POLA1: variants seen among roughly 807,000 people sequenced by gnomAD.
POLA1 encodes DNA polymerase alpha catalytic subunit.
A neutral mutation model predicts 124.0 loss-of-function variants in POLA1; 15 were observed. The observed-to-expected ratio is 0.12, with a 90% confidence interval of 0.08 to 0.19. POLA1 has a LOEUF of 0.19. Ranked by LOEUF, POLA1 falls within the 10% of genes least tolerant of loss-of-function variation. POLA1 has a pLI of 1.00. For missense variants in POLA1, 886 were observed against 1,103.4 expected (o/e 0.80, Z 2.79); for synonymous variants, 408 against 389.4 (o/e 1.05, Z -0.56).
chrX:24,912,077 C>G (rs932842287), intron 35 of POLA1, among the ~76,000 whole-genome samples: 1 of 111,911 alleles, frequency 8.9e-6, no homozygotes, highest in Non-Finnish European at 1.9e-5. Flanking sequence ...ACAAGTGTGG[C>G]CATTTTATTT....
chrX:24,816,656 A>G (rs896605456), intron 30 of POLA1, among the ~76,000 whole-genome samples: 4 of 111,876 alleles, frequency 3.6e-5, no homozygotes, highest in African/African-American at 1.3e-4. Context: ...TTTTGCATCA[A>G]TTCTGCATAT....
intron 36 of POLA1, among the ~76,000 whole-genome samples, chrX:24,969,696 A>G (rs2048276737): frequency 9.1e-6 from 1 of 110,201 alleles, no homozygotes; most frequent in Non-Finnish European, 1.9e-5. Context: ...CAGGATTTGC[A>G]TATTTGTTAC....
At chrX:24,853,638 C>G (rs899393270) in intron 34 of POLA1, among the ~76,000 whole-genome samples, 18 of 112,268 alleles carry the variant, frequency 1.6e-4, no homozygotes, top group African/African-American at 5.8e-4. Context: ...CCAGTGAAAA[C>G]TAATTGAAAG....
intron 35 of POLA1, among the ~76,000 whole-genome samples, chrX:24,912,162 T>C (rs1483201707): frequency 8.9e-6 from 1 of 112,131 alleles, no homozygotes; most frequent in African/African-American, 3.2e-5. Context: ...AAAGTGGATA[T>C]CCATATGCAG....
intron 5 of POLA1, 108 bp from the exon 6 acceptor site, chrX:24,715,033 G>A: frequency 1.8e-6 from 1 of 548,031 alleles, no homozygotes; most frequent in South Asian, 2.9e-5. Context: ...GGAATGAAGA[G>A]GCAAGGACTA....
chrX:24,879,653 C>T (rs992705542), intron 34 of POLA1, among the ~76,000 whole-genome samples: 4 of 111,418 alleles, frequency 3.6e-5, no homozygotes, highest in Non-Finnish European at 7.6e-5. Flanking sequence ...TTAGTTGTGA[C>T]CTATTATAGC....
intron 4 of POLA1, among the ~76,000 whole-genome samples, chrX:24,705,903 C>A (rs1928771665): frequency 8.9e-6 from 1 of 112,163 alleles, no homozygotes; most frequent in African/African-American, 3.2e-5. Flanking sequence ...GTCTGTCCTT[C>A]CCATATCAGG....
intron 34 of POLA1, among the ~76,000 whole-genome samples, chrX:24,871,755 G>A (rs934547817): frequency 3.6e-5 from 4 of 111,194 alleles, no homozygotes; most frequent in African/African-American, 1.3e-4. Context: ...GGCAGAGCCA[G>A]GAGAAATGAT....
chrX:24,966,568 A>G (rs180871578), intron 36 of POLA1, among the ~76,000 whole-genome samples: 2 of 112,558 alleles, frequency 1.8e-5, no homozygotes, highest in Non-Finnish European at 3.8e-5. Context: ...TATGTTTTAA[A>G]AGGATAACAA....
chrX:24,955,759 G>A lies in POLA1; in HGVS notation c.4261+25210G>A, dbSNP rs181966348. ...AGTTGCCTTTGATTTTGGTTGTGAC[G>A]GTGGAGACATGTTTACTTTGATCTT... On this transcript the variant is annotated intron_variant, in intron 36 of 36. Coordinates refer to ENST00000379068, the MANE Select transcript of POLA1 (RefSeq NM_001330360.2). 7.8e-3 allele frequency among the ~76,000 whole-genome samples: 874 copies of A among 111,669 alleles called. 2 individuals are homozygous for A. The highest frequency in any genetic ancestry group is 0.028 in the Middle Eastern group (6 of 217).
intron 36 of POLA1, among the ~76,000 whole-genome samples, chrX:24,955,516 G>T (rs2048097036): frequency 9.0e-6 from 1 of 111,187 alleles, no homozygotes; most frequent in African/African-American, 3.3e-5. Flanking sequence ...CCCTCAAGAA[G>T]AAGACAGTTG....
At chrX:24,748,816 T>C (rs189356440) in intron 25 of POLA1, 54 bp from the exon 26 acceptor site, 1 of 1,163,320 alleles carries the variant, frequency 8.6e-7, no homozygotes, top group East Asian at 3.0e-5. Context: ...TCTAATGTAA[T>C]GCTTAACCAT....
intron 36 of POLA1, among the ~76,000 whole-genome samples, chrX:24,978,861 C>T (rs745464931): frequency 1.8e-5 from 2 of 112,234 alleles, no homozygotes; most frequent in African/African-American, 6.5e-5. Flanking sequence ...GATCGGTTGT[C>T]ATAACTTCAC....
At chrX:24,961,804 A>G (rs937200994) in intron 36 of POLA1, among the ~76,000 whole-genome samples, 4 of 111,970 alleles carry the variant, frequency 3.6e-5, no homozygotes, top group African/African-American at 1.3e-4. Context: ...CCCAGGCATC[A>G]GTATAATTTC....
intron 26 of POLA1, among the ~76,000 whole-genome samples, chrX:24,756,187 C>A (rs1427979933): frequency 9.0e-6 from 1 of 111,478 alleles, no homozygotes; most frequent in Non-Finnish European, 1.9e-5. Flanking sequence ...CCAACAGTAG[C>A]AGATATAGTC....
At chrX:24,741,135 G>GTA (rs1931619602) in intron 20 of POLA1, among the ~76,000 whole-genome samples, 1 of 83,430 alleles carries the variant, frequency 1.2e-5, no homozygotes, top group South Asian at 6.3e-4. Flanking sequence ...GTGTGTGTGT[G>GTA]TGTGTGTGTG....
intron 36 of POLA1, among the ~76,000 whole-genome samples, chrX:24,984,817 G>A (rs908361213): frequency 1.8e-5 from 2 of 109,495 alleles, no homozygotes; most frequent in African/African-American, 3.3e-5. Flanking sequence ...CCGCCACTAC[G>A]CCCGGCTAAT....
At chrX:24,788,587 G>A (rs1370942836) in intron 26 of POLA1, 8 of 1,190,752 alleles carry the variant, frequency 6.7e-6, no homozygotes, top group Non-Finnish European at 9.1e-6. Context: ...TGCTTCTGAC[G>A]CGCTCCTCTA....
intron 34 of POLA1, among the ~76,000 whole-genome samples, chrX:24,852,538 G>A (rs773687824): frequency 2.7e-5 from 3 of 110,986 alleles, no homozygotes; most frequent in Admixed American, 1.9e-4. Context: ...TCGAACTCCC[G>A]ACCTCAGGTG....
Sources: allele counts gnomAD v4.1 joint callset (sites outside exome capture counted in the v4.1 genomes callset), GRCh38; gene constraint gnomAD v4.1.1; transcripts MANE v1.5; gene names NCBI Gene and HGNC (gene_info 2026-07-23, HGNC 2026-07-21).